The following ELF2 variants were observed in gnomAD, a reference collection of about 807,000 sequenced individuals.
ELF2 encodes ETS-related transcription factor Elf-2.
ELF2 carries 11 observed loss-of-function variants against 54.8 expected under a neutral mutation model. That is an observed-to-expected ratio of 0.20 (90% CI 0.13 to 0.33). The LOEUF (loss-of-function observed/expected upper bound fraction) is 0.33. Among genes scored for constraint, ELF2 ranks in the 10% least tolerant of loss-of-function variants. ELF2 has a pLI of 1.00. For missense variants in ELF2, 513 were observed against 703.0 expected, an observed-to-expected ratio of 0.73 and a Z score of 3.06; for synonymous variants, 203 against 245.1, an observed-to-expected ratio of 0.83 and a Z score of 1.61.
At chr4:139,132,363 TCA>T (rs900652443) in intron 3 of ELF2, among the ~76,000 whole-genome samples, 25 of 152,234 alleles carry the variant, frequency 1.6e-4, no homozygotes, top group African/African-American at 5.8e-4. Context: ...GTAACTACCA[TCA>T]CAGTCAAGAA....
intron 3 of ELF2, chr4:139,137,429 G>A: frequency 1.7e-6 from 1 of 599,666 alleles, no homozygotes; most frequent in Non-Finnish European, 2.9e-6. Flanking sequence ...ATATATGTAT[G>A]TTCCAACAAT....
chr4:139,124,503 A>G (rs1404418874), intron 4 of ELF2, among the ~76,000 whole-genome samples: 1 of 151,906 alleles, frequency 6.6e-6, no homozygotes, highest in African/African-American at 2.4e-5. Flanking sequence ...GCTAAAGATG[A>G]TACATTTGCA....
In ELF2 at chr4:139,110,465, C is replaced by T. The variant is rs182112288; in HGVS notation, c.238+14699G>A. Among the ~76,000 whole-genome samples, 12 of 152,242 alleles carry T rather than the reference C, an allele frequency of 7.9e-5. No homozygotes were observed. In the East Asian group the frequency reaches 2.3e-3, roughly 29 times the overall value. On this transcript the variant is annotated intron_variant, in intron 4 of 9. Coordinates refer to ENST00000686138, the MANE Select transcript of ELF2 (RefSeq NM_001331036.3). ...TGTTTCATGAAACACCTTTCTAATC[C>T]GGAGACTGAACTGACAACCATATCA... is the stretch of plus-strand genomic sequence containing the variant.
chr4:139,084,331 C>T, intron 4 of ELF2: 1 of 1,550,238 alleles, frequency 6.5e-7, no homozygotes, highest in Admixed American at 1.8e-5. Flanking sequence ...ACTCCGACGC[C>T]CGGATCCTTG....
intron 3 of ELF2, among the ~76,000 whole-genome samples, chr4:139,128,478 A>G (rs1737160781): frequency 6.6e-6 from 1 of 151,250 alleles, no homozygotes; most frequent in East Asian, 1.9e-4. Flanking sequence ...CTTGTAATCT[A>G]TGTTCCACCA....
At chr4:139,123,285 T>C (rs1736584249) in intron 4 of ELF2, among the ~76,000 whole-genome samples, 1 of 152,208 alleles carries the variant, frequency 6.6e-6, no homozygotes, top group Non-Finnish European at 1.5e-5. Flanking sequence ...TGCTTACATT[T>C]TCTTTTTGTG....
intron 4 of ELF2, among the ~76,000 whole-genome samples, chr4:139,094,216 C>A (rs562510552): frequency 2.6e-5 from 4 of 151,858 alleles, no homozygotes; most frequent in Admixed American, 6.6e-5. Context: ...TCTTAAGAAA[C>A]GAAAAAGAAA....
chr4:139,084,139 G>T lies in ELF2; in HGVS notation c.239-10572C>A, dbSNP rs764757589. 8 of 1,613,500 alleles carry T rather than the reference G, an allele frequency of 5.0e-6. No homozygotes were observed. In the South Asian group the frequency reaches 8.8e-5, roughly 18 times the overall value. On this transcript the variant is annotated intron_variant, in intron 4 of 9. Transcript: ENST00000686138. ...AAAGTTCCCCTGTCCTTACCGGCCC[G>T]GATGAGCAGATCCAGCTGGTTCGTG...
chr4:139,092,310 G>A (rs1029688967), intron 4 of ELF2, among the ~76,000 whole-genome samples: 24 of 151,452 alleles, frequency 1.6e-4, no homozygotes, highest in Non-Finnish European at 3.1e-4. Context: ...GAAGTAAGCC[G>A]AGATCATGCC....
At chr4:139,156,916 G>C (rs1258052564) in intron 1 of ELF2, among the ~76,000 whole-genome samples, 2 of 152,156 alleles carry the variant, frequency 1.3e-5, no homozygotes, top group Non-Finnish European at 1.5e-5. Flanking sequence ...TTTCAGGCAT[G>C]AGCCACCACA....
At chr4:139,097,474 G>A (rs941792015) in intron 4 of ELF2, among the ~76,000 whole-genome samples, 7 of 151,944 alleles carry the variant, frequency 4.6e-5, no homozygotes, top group African/African-American at 9.7e-5. Context: ...AAAATTAGCC[G>A]GGTATGGTAG....
intron 4 of ELF2, among the ~76,000 whole-genome samples, chr4:139,114,560 C>CTCCAG (rs1294037300): frequency 1.8e-4 from 24 of 131,198 alleles, no homozygotes; most frequent in African/African-American, 5.7e-4. Context: ...AGACTTCAGT[C>CTCCAG]TCACACACAC....
intron 4 of ELF2, among the ~76,000 whole-genome samples, chr4:139,111,548 C>T (rs1166468105): frequency 6.9e-6 from 1 of 144,748 alleles, no homozygotes; most frequent in Non-Finnish European, 1.5e-5. Flanking sequence ...ATTCCTATTA[C>T]ACAATTGACT....
intron 6 of ELF2, among the ~76,000 whole-genome samples, chr4:139,069,171 A>G (rs1644297115): frequency 6.6e-6 from 1 of 152,096 alleles, no homozygotes; most frequent in African/African-American, 2.4e-5. Context: ...ACCCGGCCAT[A>G]TTTTAGGATC....
chr4:139,072,083 A>G (rs754429411), intron 5 of ELF2, 44 bp from the exon 6 acceptor site: 1 of 1,575,492 alleles, frequency 6.3e-7, no homozygotes, highest in Non-Finnish European at 8.7e-7. Flanking sequence ...ACCCCCATCA[A>G]TGTTTCTTAT....
chr4:139,075,358 G>T lies in ELF2; in HGVS notation c.239-1791C>A, dbSNP rs1244886676. Among the ~76,000 whole-genome samples, 4 of 152,138 alleles carry T rather than the reference G, an allele frequency of 2.6e-5. No homozygotes were observed. The East Asian group carries it at 7.7e-4, about 29-fold the overall frequency. ...GATTATAAACTTCTTGAGGTCTGGG[G>T]GGCTAGCTTAACCCATCTTTACATA... On this transcript the variant is annotated intron_variant, in intron 4 of 9. Transcript: ENST00000686138.
rs1731713561 is a variant in ELF2, at chr4:139,084,444, C to CGGCAGGGGCAGG, written c.239-10878_239-10877insCCTGCCCCTGCC. On this transcript the variant is annotated intron_variant, in intron 4 of 9. Transcript: ENST00000686138. ...GCAGGGGCGGCAGGGGCAGGGGCGG[C>CGGCAGGGGCAGG]GGCGGCGGCGGCGGCGGCTGTGGCT... The CGGCAGGGGCAGG allele has an allele frequency of 6.1e-6, 7 of 1,146,232 alleles. No homozygotes were observed. In the African/African-American group the frequency reaches 1.2e-4, roughly 19 times the overall value. 71.0% of individuals were successfully genotyped at this position (1,146,232 alleles called of 1,614,324 possible). A position where few individuals can be genotyped will look rare whatever the true frequency, so the allele number is the denominator to read the frequency against.
Position 139,125,167 on chromosome 4 carries a change from T to C in ELF2, c.235A>G (p.Thr79Ala). ...GAACATTTTATGAGATGTCTACCTG[T>C]TTCCACATTCTCGGTCTCAACTTCT... ...EQEVETENVE[T>A]VEASVHSSNA... The change falls in exon 4 of 10, where the codon ACA becomes GCA. Residue 79 changes from threonine (T) to alanine (A), a missense_variant. Coordinates refer to ENST00000686138, the MANE Select transcript of ELF2 (RefSeq NM_001331036.3). 6.2e-7 allele frequency: 1 copy of C among 1,607,792 alleles called. No individual in the cohort carries two copies. Among genetic ancestry groups the C allele is most frequent in the South Asian group, 1.1e-5 (1 of 89,926 alleles).
At chr4:139,073,606 T>C in intron 4 of ELF2, 39 bp from the exon 5 acceptor site, 1 of 1,219,528 alleles carries the variant, frequency 8.2e-7, no homozygotes, top group Non-Finnish European at 1.1e-6. Context: ...AAAAATACAC[T>C]AAACACATGA....
Sources: gnomAD v4.1 joint callset for allele counts (sites outside exome capture counted in the v4.1 genomes callset) on GRCh38, gnomAD v4.1.1 for gene constraint, MANE v1.5 for transcripts, NCBI Gene and HGNC (gene_info 2026-07-23, HGNC 2026-07-21) for gene names.